SYTL3: variants seen among roughly 807,000 people sequenced by gnomAD.
SYTL3 encodes synaptotagmin-like protein 3.
Under a neutral mutation model 82.1 loss-of-function variants are expected in SYTL3, and 88 were observed. The observed-to-expected ratio is 1.07, with a 90% confidence interval of 0.90 to 1.28. SYTL3 has a LOEUF of 1.28. Ranked by LOEUF, SYTL3 falls within the 50% of genes most tolerant of loss-of-function variation. SYTL3 has a pLI of 0.00. For missense variants in SYTL3, 831 were observed against 757.6 expected (o/e 1.10, Z -1.14); for synonymous variants, 311 against 289.4 (o/e 1.07, Z -0.76).
intron 10 of SYTL3, among the ~76,000 whole-genome samples, chr6:158,719,585 A>G (rs190341331): frequency 1.3e-5 from 2 of 152,258 alleles, no homozygotes; most frequent in East Asian, 3.9e-4. Context: ...AAATTCTATA[A>G]CACAAGTGTC....
chr6:158,711,059 C>T (rs71565713), intron 8 of SYTL3, among the ~76,000 whole-genome samples: 2,782 of 152,260 alleles, frequency 0.018, 37 homozygotes, highest in Non-Finnish European at 0.029. Context: ...GGGTTACAGG[C>T]GTGAGCCACC....
chr6:158,745,334 C>A, intron 11 of SYTL3, 146 bp from the exon 12 acceptor site: 2 of 681,108 alleles, frequency 2.9e-6, no homozygotes, highest in Non-Finnish European at 4.6e-6. Flanking sequence ...CTTATTTTGG[C>A]AAAGTACAAG....
intron 13 of SYTL3, 34 bp downstream of exon 13, chr6:158,752,064 C>G: frequency 6.7e-7 from 1 of 1,503,570 alleles, no homozygotes; most frequent in Non-Finnish European, 8.9e-7. Flanking sequence ...GTGCAGAGTC[C>G]TCCCGAGCCC....
At chr6:158,668,531 CAG>C (rs58629977) in intron 5 of SYTL3, among the ~76,000 whole-genome samples, 12,428 of 152,216 alleles carry the variant, frequency 0.082, 1,003 homozygotes, top group African/African-American at 0.21. Context: ...GCCCGGCCGG[CAG>C]AGTCTTAAAA....
At chr6:158,657,734 G>T (rs1206846997) in intron 2 of SYTL3, among the ~76,000 whole-genome samples, 3 of 152,104 alleles carry the variant, frequency 2.0e-5, no homozygotes, top group African/African-American at 7.2e-5. Flanking sequence ...GCAGACGCGG[G>T]CCATCAATAC....
chr6:158,688,582 G>T lies in SYTL3; in HGVS notation c.394+5593G>T, dbSNP rs569220951. ...GTTCAAGACTAGCCTGGGCAGCATA[G>T]TGAGATCCTGTCTCTAAAAAAATTA... is the stretch of plus-strand genomic sequence containing the variant. On this transcript the variant is annotated intron_variant, in intron 6 of 17. Transcript: ENST00000611299. 3.9e-5 allele frequency among the ~76,000 whole-genome samples: 6 copies of T among 152,274 alleles called. No homozygotes were observed. The South Asian group carries it at 1.2e-3, about 32-fold the overall frequency.
intron 10 of SYTL3, among the ~76,000 whole-genome samples, chr6:158,722,066 C>T (rs1347851898): frequency 6.6e-6 from 1 of 152,132 alleles, no homozygotes; most frequent in Non-Finnish European, 1.5e-5. Context: ...ACACGGTGGC[C>T]CTGCTTTGGA....
At position 158,681,912 on chromosome 6, in the gene SYTL3, G is replaced by A. The variant is rs1012106765; in HGVS notation, c.330-1013G>A. The stretch of plus-strand genomic sequence containing the variant: ...GTAGCCCATCACTTGTGCCAAGAGC[G>A]TCCCACAGTTGACATGATACATTGG... On this transcript the variant is annotated intron_variant, in intron 5 of 17. Transcript: ENST00000611299. 2.0e-5 allele frequency among the ~76,000 whole-genome samples: 3 copies of A among 152,246 alleles called. No homozygotes were observed. In the East Asian group the frequency reaches 5.8e-4, roughly 29 times the overall value.
intron 4 of SYTL3, 146 bp downstream of exon 4, chr6:158,663,524 T>C: frequency 6.9e-7 from 1 of 1,449,780 alleles, no homozygotes; most frequent in Non-Finnish European, 9.1e-7. Context: ...AACGAAGGTC[T>C]GTTGGTGGAG....
At chr6:158,687,241 G>A (rs1779398381) in intron 6 of SYTL3, among the ~76,000 whole-genome samples, 1 of 152,178 alleles carries the variant, frequency 6.6e-6, no homozygotes, top group South Asian at 2.1e-4. Context: ...TGCTCTTGGG[G>A]CTTACCCTCA....
At chr6:158,726,051 A>C in intron 11 of SYTL3, 1 of 554,820 alleles carries the variant, frequency 1.8e-6, no homozygotes, top group Non-Finnish European at 3.4e-6. Context: ...ATGTGTTAAA[A>C]TCTTACAGGA....
At chr6:158,667,447 C>G (rs1345599974) in intron 5 of SYTL3, among the ~76,000 whole-genome samples, 1 of 152,162 alleles carries the variant, frequency 6.6e-6, no homozygotes, top group Non-Finnish European at 1.5e-5. Flanking sequence ...CATTTTCTTT[C>G]CCCTCGCCTT....
chr6:158,723,418 GCC>G (rs569035831), intron 10 of SYTL3, among the ~76,000 whole-genome samples: 1 of 152,042 alleles, frequency 6.6e-6, no homozygotes, highest in Admixed American at 6.6e-5. Context: ...CTGCCAAGTT[GCC>G]CTCCACTGAC....
chr6:158,753,200 G>C (rs1246509796), intron 13 of SYTL3, among the ~76,000 whole-genome samples: 1 of 149,046 alleles, frequency 6.7e-6, no homozygotes, highest in Non-Finnish European at 1.5e-5. Context: ...TCCTGCCTCA[G>C]CCTCCTGAGT....
intron 2 of SYTL3, among the ~76,000 whole-genome samples, chr6:158,657,116 A>G (rs1189959531): frequency 2.6e-5 from 4 of 152,020 alleles, no homozygotes; most frequent in Non-Finnish European, 4.4e-5. Flanking sequence ...AATTAACTCC[A>G]TCTGCCACCT....
chr6:158,648,916 A>T (rs1048803827), upstream of SYTL3, among the ~76,000 whole-genome samples: 1 of 152,190 alleles, frequency 6.6e-6, no homozygotes, highest in African/African-American at 2.4e-5. Flanking sequence ...AAGTGCCTAT[A>T]TTTAGATCTG....
rs1391748492 is a variant in SYTL3, at chr6:158,751,038, C to A, written c.1035-890C>A. Among the ~76,000 whole-genome samples the A allele has an allele frequency of 2.0e-5, 3 of 152,284 alleles. 1 individual carries two copies. The highest frequency in any genetic ancestry group is 7.2e-5 in the African/African-American group (3 of 41,546). On this transcript the variant is annotated intron_variant, in intron 12 of 17. Coordinates refer to ENST00000611299, the MANE Select transcript of SYTL3 (RefSeq NM_001242394.2). ...CTGGAACTCCTGACCTCAGGTGATCCGTCCACTTCATCCTCCCAAAGTGCT... is the reference window on the plus strand; with the variant it reads ...CTGGAACTCCTGACCTCAGGTGATCAGTCCACTTCATCCTCCCAAAGTGCT...
chr6:158,701,212 GTGTAGATGA>G (rs1781199181), intron 6 of SYTL3, among the ~76,000 whole-genome samples: 1 of 115,182 alleles, frequency 8.7e-6, no homozygotes, highest in African/African-American at 4.0e-5. Flanking sequence ...GTGAGCTGGG[GTGTAGATGA>G]AGGAGTGTGA....
intron 11 of SYTL3, chr6:158,726,738 C>T (rs2128482710): frequency 4.3e-6 from 1 of 234,280 alleles, no homozygotes; most frequent in Non-Finnish European, 8.6e-6. Flanking sequence ...TACTGTGACA[C>T]AAGGCCTGGG....
Sources: allele counts gnomAD v4.1 joint callset (sites outside exome capture counted in the v4.1 genomes callset), GRCh38; gene constraint gnomAD v4.1.1; transcripts MANE v1.5; gene names NCBI Gene and HGNC (gene_info 2026-07-23, HGNC 2026-07-21).